ZBTB20: variants seen among roughly 807,000 people sequenced by gnomAD.
ZBTB20 encodes zinc finger and BTB domain containing 20.
ZBTB20 carries 9 observed loss-of-function variants against 56.9 expected under a neutral mutation model. The ratio of observed to expected loss-of-function variants is 0.16; its 90% CI spans 0.10 to 0.28. ZBTB20 has a LOEUF of 0.28. Ranked by LOEUF, ZBTB20 falls within the 10% of genes least tolerant of loss-of-function variation. The pLI, the probability that ZBTB20 is intolerant of heterozygous loss-of-function variation, is 1.00. For synonymous variants in ZBTB20, 417 were observed against 420.7 expected, an observed-to-expected ratio of 0.99 and a Z score of 0.11; for missense variants, 655 against 1,003.0, an observed-to-expected ratio of 0.65 and a Z score of 4.69.
chr3:115,048,719 G>A (rs1161128039), intron 2 of ZBTB20, among the ~76,000 whole-genome samples: 1 of 152,092 alleles, frequency 6.6e-6, no homozygotes, highest in Non-Finnish European at 1.5e-5. Flanking sequence ...ACACAAATAG[G>A]AAGTGAAACC....
At chr3:115,010,712 AAC>A (rs2108259966) in intron 2 of ZBTB20, among the ~76,000 whole-genome samples, 1 of 152,054 alleles carries the variant, frequency 6.6e-6, no homozygotes, top group East Asian at 2.0e-4. Context: ...GACTACAATA[AAC>A]ACATAACTCT....
intron 5 of ZBTB20, among the ~76,000 whole-genome samples, chr3:114,742,348 T>G (rs2066668053): frequency 6.6e-6 from 1 of 152,132 alleles, no homozygotes; most frequent in Non-Finnish European, 1.5e-5. Context: ...ACTGTGGATA[T>G]GGTGACAGAC....
intron 3 of ZBTB20, among the ~76,000 whole-genome samples, chr3:114,948,090 T>C (rs1436977877): frequency 6.9e-6 from 1 of 145,774 alleles, no homozygotes; most frequent in Non-Finnish European, 1.5e-5. Context: ...AAATTCTCTA[T>C]GAAAAGGATA....
chr3:114,476,560 G>A (rs1176394013), intron 7 of ZBTB20, among the ~76,000 whole-genome samples: 3 of 152,192 alleles, frequency 2.0e-5, no homozygotes, highest in African/African-American at 4.8e-5. Context: ...CATGGTGGAA[G>A]GCAGAGGGCA....
At chr3:114,788,273 G>A (rs1380010836) in intron 5 of ZBTB20, among the ~76,000 whole-genome samples, 5 of 152,022 alleles carry the variant, frequency 3.3e-5, no homozygotes, top group Admixed American at 3.3e-4. Flanking sequence ...TACTCACACT[G>A]TTATGCAAGT....
At chr3:114,912,220 A>C (rs1212318177) in intron 3 of ZBTB20, among the ~76,000 whole-genome samples, 1 of 151,186 alleles carries the variant, frequency 6.6e-6, no homozygotes, top group Non-Finnish European at 1.5e-5. Context: ...TAACCAGACA[A>C]AGGAAAACTG....
chr3:114,783,012 A>T (rs2070223888), intron 5 of ZBTB20, among the ~76,000 whole-genome samples: 1 of 152,178 alleles, frequency 6.6e-6, no homozygotes, highest in African/African-American at 2.4e-5. Flanking sequence ...ATGAATATTC[A>T]TTCATCCATT....
intron 5 of ZBTB20, among the ~76,000 whole-genome samples, chr3:114,701,320 C>G (rs2063376485): frequency 6.6e-6 from 1 of 152,108 alleles, no homozygotes. Flanking sequence ...TAAGCTCATT[C>G]CCAGGGTCAG....
At chr3:114,892,897 G>A (rs987385104) in intron 4 of ZBTB20, among the ~76,000 whole-genome samples, 3 of 152,178 alleles carry the variant, frequency 2.0e-5, no homozygotes, top group Non-Finnish European at 4.4e-5. Context: ...AAAGATGGGG[G>A]AATGCGATGT....
At chr3:114,427,373 A>G (rs750592295) in intron 7 of ZBTB20, among the ~76,000 whole-genome samples, 27 of 152,362 alleles carry the variant, frequency 1.8e-4, no homozygotes, top group Middle Eastern at 3.4e-3. Context: ...GGAATACACC[A>G]AAGAAATATG....
At chr3:114,342,950 C>T (rs554817434) in intron 11 of ZBTB20, among the ~76,000 whole-genome samples, 3 of 152,128 alleles carry the variant, frequency 2.0e-5, no homozygotes, top group South Asian at 2.1e-4. Flanking sequence ...CTAGGAAACC[C>T]GTGACTGAGC....
intron 4 of ZBTB20, among the ~76,000 whole-genome samples, chr3:114,842,444 A>T (rs1287636583): frequency 2.0e-5 from 3 of 152,148 alleles, no homozygotes; most frequent in Non-Finnish European, 4.4e-5. Flanking sequence ...CATTTACTCA[A>T]TAATTAGTTA....
At chr3:114,789,992 C>T (rs1358335591) in intron 5 of ZBTB20, among the ~76,000 whole-genome samples, 1 of 152,008 alleles carries the variant, frequency 6.6e-6, no homozygotes, top group Non-Finnish European at 1.5e-5. Context: ...ACGGTGAATA[C>T]ACACACACAA....
intron 7 of ZBTB20, among the ~76,000 whole-genome samples, chr3:114,404,111 G>A (rs1455373003): frequency 1.3e-5 from 2 of 152,166 alleles, no homozygotes. Context: ...GACTCAAGAA[G>A]TCAAATAGTA....
chr3:114,784,855 T>C (rs1045555817), intron 5 of ZBTB20, among the ~76,000 whole-genome samples: 1 of 152,190 alleles, frequency 6.6e-6, no homozygotes, highest in Non-Finnish European at 1.5e-5. Context: ...ATTCAACACA[T>C]TGACACTAAT....
intron 6 of ZBTB20, among the ~76,000 whole-genome samples, chr3:114,598,676 C>T (rs900113378): frequency 2.0e-5 from 3 of 151,838 alleles, no homozygotes; most frequent in Admixed American, 6.6e-5. Flanking sequence ...TAGGGATATC[C>T]GAGTGGTAAG....
intron 7 of ZBTB20, among the ~76,000 whole-genome samples, chr3:114,482,215 A>G (rs2041636627): frequency 6.6e-6 from 1 of 151,976 alleles, no homozygotes; most frequent in Admixed American, 6.5e-5. Context: ...GAGCTGGGAC[A>G]AGGAAGACAC....
intron 2 of ZBTB20, among the ~76,000 whole-genome samples, chr3:115,017,991 C>G (rs1260954736): frequency 6.6e-6 from 1 of 151,474 alleles, no homozygotes; most frequent in Non-Finnish European, 1.5e-5. Context: ...TTTTCAATGA[C>G]TTCTTCCAAA....
chr3:114,481,844 G>C (rs1241651111), intron 7 of ZBTB20, among the ~76,000 whole-genome samples: 1 of 152,204 alleles, frequency 6.6e-6, no homozygotes, highest in Non-Finnish European at 1.5e-5. Flanking sequence ...TGTTCAGAGG[G>C]AGTAAACCAC....
Sources: allele counts gnomAD v4.1 joint callset (sites outside exome capture counted in the v4.1 genomes callset), GRCh38; gene constraint gnomAD v4.1.1; transcripts MANE v1.5; gene names NCBI Gene and HGNC (gene_info 2026-07-23, HGNC 2026-07-21).